SLC35F3: variants seen among roughly 807,000 people sequenced by gnomAD.
SLC35F3 encodes solute carrier family 35 member F3, also known as putative thiamine transporter SLC35F3.
In SLC35F3, 25 loss-of-function variants were observed where a neutral mutation model predicts 49.9. The observed-to-expected ratio is 0.50, with a 90% confidence interval of 0.37 to 0.70. The LOEUF is 0.70. Ranked by LOEUF, SLC35F3 falls within the 30% of genes least tolerant of loss-of-function variation. The pLI is 0.00. For missense variants in SLC35F3, 525 were observed against 639.8 expected (o/e 0.82, Z 1.94); for synonymous variants, 275 against 265.4 (o/e 1.04, Z -0.35).
chr1:233,904,886 G>C lies in SLC35F3; in HGVS notation c.-192G>C. ...GGCTGAACCGCCGCGCCTGCATCGT[G>C]CCGCACGCCGCGGAGGCGCTCGGGT... On this transcript the variant is annotated 5_prime_UTR_variant, in exon 1 of 8. Coordinates refer to ENST00000366618, the MANE Select transcript of SLC35F3 (RefSeq NM_173508.4). The C allele has an allele frequency of 2.5e-6, 1 of 406,458 alleles. No individual in the cohort carries two copies. The highest frequency in any genetic ancestry group is 4.2e-6 in the Non-Finnish European group (1 of 239,618). The allele number at this position is 406,458 out of a possible 1,614,324, so 25.2% of individuals were successfully genotyped here.
intron 3 of SLC35F3, among the ~76,000 whole-genome samples, chr1:234,290,335 T>C (rs2102985374): frequency 6.6e-6 from 1 of 152,310 alleles, no homozygotes; most frequent in African/African-American, 2.4e-5. Flanking sequence ...TCAAAAATGA[T>C]ATGATATAAA....
intron 2 of SLC35F3, among the ~76,000 whole-genome samples, chr1:234,212,053 A>G (rs1415734430): frequency 6.6e-6 from 1 of 152,138 alleles, no homozygotes; most frequent in African/African-American, 2.4e-5. Context: ...TTCCCTGCAC[A>G]AGCACTCTCT....
At chr1:234,168,783 G>A (rs942414837) in intron 2 of SLC35F3, among the ~76,000 whole-genome samples, 54 of 152,322 alleles carry the variant, frequency 3.5e-4, no homozygotes, top group African/African-American at 1.2e-3. Flanking sequence ...CGTGAAGAGG[G>A]AAGCCACTGT....
intron 2 of SLC35F3, among the ~76,000 whole-genome samples, chr1:234,181,338 G>GTAA (rs1666553027): frequency 1.0e-5 from 1 of 97,310 alleles, no homozygotes; most frequent in Non-Finnish European, 2.1e-5. Context: ...TCTGTCTCAA[G>GTAA]AAAAAAAAAA....
At chr1:233,964,457 G>T (rs1366108912) in intron 2 of SLC35F3, among the ~76,000 whole-genome samples, 1 of 152,200 alleles carries the variant, frequency 6.6e-6, no homozygotes, top group Non-Finnish European at 1.5e-5. Context: ...CAGCATGGAG[G>T]ACCTCACCAT....
intron 3 of SLC35F3, among the ~76,000 whole-genome samples, chr1:234,284,222 G>A (rs1276306934): frequency 2.6e-5 from 4 of 152,158 alleles, no homozygotes; most frequent in Non-Finnish European, 4.4e-5. Context: ...AACTTTTTAA[G>A]ATAGGTTTTA....
intron 2 of SLC35F3, among the ~76,000 whole-genome samples, chr1:233,959,465 A>T (rs955745257): frequency 6.6e-6 from 1 of 152,186 alleles, no homozygotes; most frequent in African/African-American, 2.4e-5. Context: ...TAGCAGGCAT[A>T]GGGAGGGTTA....
chr1:233,955,600 C>A (rs372557531), intron 2 of SLC35F3, among the ~76,000 whole-genome samples: 1 of 152,056 alleles, frequency 6.6e-6, no homozygotes, highest in African/African-American at 2.4e-5. Context: ...CTTCTGCCCC[C>A]CTGTCTTGCT....
At chr1:234,119,755 C>A (rs983673526) in intron 2 of SLC35F3, among the ~76,000 whole-genome samples, 3 of 152,174 alleles carry the variant, frequency 2.0e-5, no homozygotes, top group African/African-American at 7.2e-5. Context: ...ACAGGATAGT[C>A]AAAACAGCTA....
intron 2 of SLC35F3, among the ~76,000 whole-genome samples, chr1:234,142,680 G>T (rs1665936175): frequency 6.6e-6 from 1 of 152,028 alleles, no homozygotes; most frequent in African/African-American, 2.4e-5. Flanking sequence ...CGCATGATGT[G>T]TCGCTATATG....
At chr1:234,140,002 A>AATAAAATAAAAAAT in intron 2 of SLC35F3, among the ~76,000 whole-genome samples, 21 of 105,446 alleles carry the variant, frequency 2.0e-4, no homozygotes, top group Non-Finnish European at 3.8e-4. Context: ...AATAAAATAA[A>AATAAAATAAAAAAT]GTAAGTGACT....
chr1:234,132,876 G>T (rs1665755791), intron 2 of SLC35F3, among the ~76,000 whole-genome samples: 1 of 152,160 alleles, frequency 6.6e-6, no homozygotes, highest in African/African-American at 2.4e-5. Context: ...AAAATTTCTA[G>T]TGGAAGCCAG....
At chr1:233,918,587 G>T (rs1231545006) in intron 2 of SLC35F3, among the ~76,000 whole-genome samples, 1 of 152,142 alleles carries the variant, frequency 6.6e-6, no homozygotes, top group East Asian at 1.9e-4. Context: ...GGCCAATGTG[G>T]CAAAACCCTG....
chr1:233,995,657 A>G (rs1039325680), intron 2 of SLC35F3, among the ~76,000 whole-genome samples: 1 of 152,188 alleles, frequency 6.6e-6, no homozygotes, highest in Non-Finnish European at 1.5e-5. Flanking sequence ...CAGTATAACA[A>G]CAGCAGCAGA....
At chr1:234,177,993 G>T (rs755338642) in intron 2 of SLC35F3, among the ~76,000 whole-genome samples, 1 of 152,102 alleles carries the variant, frequency 6.6e-6, no homozygotes, top group East Asian at 1.9e-4. Context: ...TCACTTGAGC[G>T]CATGCTTTAC....
At chr1:234,108,075 C>T (rs1665310856) in intron 2 of SLC35F3, among the ~76,000 whole-genome samples, 1 of 150,930 alleles carries the variant, frequency 6.6e-6, no homozygotes, top group African/African-American at 2.4e-5. Flanking sequence ...TAAGTGCTAG[C>T]ATTTACTGAA....
intron 3 of SLC35F3, among the ~76,000 whole-genome samples, chr1:234,295,470 G>A (rs1045522191): frequency 6.6e-6 from 1 of 152,132 alleles, no homozygotes; most frequent in East Asian, 1.9e-4. Context: ...CAGTTCTCAA[G>A]TGTCAGTCTC....
At chr1:233,932,278 C>T (rs1033421701) in intron 2 of SLC35F3, among the ~76,000 whole-genome samples, 1 of 146,760 alleles carries the variant, frequency 6.8e-6, no homozygotes, top group African/African-American at 2.4e-5. Flanking sequence ...ACGTGTACCC[C>T]AGAACTTAAA....
At chr1:234,123,908 G>T (rs1035390251) in intron 2 of SLC35F3, among the ~76,000 whole-genome samples, 1 of 152,200 alleles carries the variant, frequency 6.6e-6, no homozygotes, top group Admixed American at 6.5e-5. Flanking sequence ...TTCTGGAAGA[G>T]ACAGTTATTC....
Sources: allele counts gnomAD v4.1 joint callset (sites outside exome capture counted in the v4.1 genomes callset), GRCh38; gene constraint gnomAD v4.1.1; transcripts MANE v1.5; gene names NCBI Gene and HGNC (gene_info 2026-07-23, HGNC 2026-07-21).